The following ANO10 variants were observed in gnomAD, a reference collection of about 807,000 sequenced individuals.
ANO10 encodes the protein anoctamin-10.
A neutral mutation model predicts 74.7 loss-of-function variants in ANO10; 77 were observed. The ratio of observed to expected loss-of-function variants is 1.03; its 90% CI spans 0.86 to 1.25. The LOEUF (loss-of-function observed/expected upper bound fraction) is 1.25. ANO10 is among the 50% of genes most tolerant of loss of function. The pLI is 0.00. For missense variants in ANO10, 721 were observed against 778.1 expected (o/e 0.93, Z 0.87); for synonymous variants, 279 against 284.9 (o/e 0.98, Z 0.21).
At chr3:43,593,539 C>T (rs1001243729) in intron 4 of ANO10, among the ~76,000 whole-genome samples, 12 of 152,190 alleles carry the variant, frequency 7.9e-5, no homozygotes, top group Non-Finnish European at 1.5e-4. Context: ...AAATAAAATA[C>T]TTTACAGACG....
At chr3:43,431,271 C>T (rs1204270923) in intron 12 of ANO10, among the ~76,000 whole-genome samples, 1 of 151,828 alleles carries the variant, frequency 6.6e-6, no homozygotes, top group Non-Finnish European at 1.5e-5. Context: ...CGGGATTTCA[C>T]CACGTTGCCC....
At chr3:43,504,826 G>A (rs966072059) in intron 11 of ANO10, among the ~76,000 whole-genome samples, 1 of 152,004 alleles carries the variant, frequency 6.6e-6, no homozygotes, top group Non-Finnish European at 1.5e-5. Flanking sequence ...ATTTTTAGTA[G>A]AGACAGGGTT....
intron 11 of ANO10, among the ~76,000 whole-genome samples, chr3:43,515,763 C>G (rs114259313): frequency 1.3e-5 from 2 of 152,138 alleles, no homozygotes; most frequent in Admixed American, 6.5e-5. Context: ...ATCGAGATAA[C>G]TTCTTTGCTT....
intron 12 of ANO10, among the ~76,000 whole-genome samples, chr3:43,412,178 G>A (rs1467014212): frequency 6.6e-6 from 1 of 151,882 alleles, no homozygotes; most frequent in African/African-American, 2.4e-5. Flanking sequence ...AAAACAGCCA[G>A]GTCTTCAACC....
At chr3:43,446,975 TTAA>T (rs1289692046) in intron 11 of ANO10, among the ~76,000 whole-genome samples, 1 of 152,156 alleles carries the variant, frequency 6.6e-6, no homozygotes, top group East Asian at 1.9e-4. Flanking sequence ...TCAGAATATA[TTAA>T]TATTTTCTCC....
At chr3:43,417,604 T>G (rs567369982) in intron 12 of ANO10, among the ~76,000 whole-genome samples, 2 of 152,188 alleles carry the variant, frequency 1.3e-5, no homozygotes, top group Non-Finnish European at 2.9e-5. Flanking sequence ...GTTCGTGTCC[T>G]AAATTTTCTT....
chr3:43,575,320 T>C (rs2080945041), intron 6 of ANO10, among the ~76,000 whole-genome samples: 1 of 152,170 alleles, frequency 6.6e-6, no homozygotes, highest in South Asian at 2.1e-4. Flanking sequence ...GAAAAGGTAA[T>C]ACTGCATAGA....
chr3:43,380,306 AC>A (rs1183964973), intron 12 of ANO10, among the ~76,000 whole-genome samples: 2 of 152,212 alleles, frequency 1.3e-5, no homozygotes, highest in Admixed American at 6.5e-5. Context: ...TAGAAATCTA[AC>A]ATCCAAATAC....
At chr3:43,439,755 C>T (rs528430188) in intron 11 of ANO10, among the ~76,000 whole-genome samples, 1 of 152,140 alleles carries the variant, frequency 6.6e-6, no homozygotes, top group Admixed American at 6.5e-5. Flanking sequence ...GTGGCCCATG[C>T]CTATAGTTCA....
At chr3:43,460,621 G>A (rs1356486453) in intron 11 of ANO10, among the ~76,000 whole-genome samples, 2 of 152,096 alleles carry the variant, frequency 1.3e-5, no homozygotes, top group Non-Finnish European at 2.9e-5. Flanking sequence ...CATGCTACTG[G>A]CTAATTCTCA....
At chr3:43,512,523 C>A (rs564603819) in intron 11 of ANO10, among the ~76,000 whole-genome samples, 1 of 152,156 alleles carries the variant, frequency 6.6e-6, no homozygotes, top group African/African-American at 2.4e-5. Flanking sequence ...TGGGCCACAA[C>A]GCTAGCAGTA....
At chr3:43,438,446 TA>T (rs1177663298) in intron 11 of ANO10, among the ~76,000 whole-genome samples, 206 of 143,958 alleles carry the variant, frequency 1.4e-3, no homozygotes, top group Middle Eastern at 3.6e-3. Flanking sequence ...TTGTCTGTAT[TA>T]AAAAAAAAAA....
At chr3:43,566,585 T>A (rs980943365) in intron 7 of ANO10, among the ~76,000 whole-genome samples, 3 of 152,136 alleles carry the variant, frequency 2.0e-5, no homozygotes, top group Non-Finnish European at 4.4e-5. Flanking sequence ...CACTGACACC[T>A]CACACGGCAG....
At chr3:43,549,872 T>C (rs2079380676) in intron 10 of ANO10, 24 bp from the exon 11 acceptor site, 1 of 1,612,786 alleles carries the variant, frequency 6.2e-7, no homozygotes, top group Admixed American at 1.7e-5. Flanking sequence ...GAATGGAAAT[T>C]AAAAATTGCA....
At chr3:43,396,499 C>T (rs1047458394) in intron 12 of ANO10, among the ~76,000 whole-genome samples, 8 of 151,760 alleles carry the variant, frequency 5.3e-5, no homozygotes, top group South Asian at 2.1e-4. Context: ...CCACCACACC[C>T]GGCTAATTTT....
intron 9 of ANO10, among the ~76,000 whole-genome samples, chr3:43,560,186 A>G (rs908742685): frequency 6.6e-6 from 1 of 152,166 alleles, no homozygotes; most frequent in Non-Finnish European, 1.5e-5. Context: ...AACTACAGCT[A>G]TGTCAACAGC....
chr3:43,601,331 G>A (rs1042784101), intron 2 of ANO10, among the ~76,000 whole-genome samples: 4 of 151,976 alleles, frequency 2.6e-5, no homozygotes, highest in African/African-American at 7.3e-5. Context: ...TTTGCCTCTC[G>A]AGTAGCTGGG....
At chr3:43,582,458 G>C (rs918088763) in intron 4 of ANO10, among the ~76,000 whole-genome samples, 2 of 151,286 alleles carry the variant, frequency 1.3e-5, no homozygotes, top group Admixed American at 1.3e-4. Flanking sequence ...AAAAAAAAAA[G>C]AAACACAAAG....
At chr3:43,552,728 ATGTATG>A (rs1194290402) in intron 10 of ANO10, among the ~76,000 whole-genome samples, 271 of 100,104 alleles carry the variant, frequency 2.7e-3, no homozygotes, top group Admixed American at 4.4e-3. Flanking sequence ...ATATATATAT[ATGTATG>A]TATGTATGTA....
Sources: gnomAD v4.1 joint callset for allele counts (sites outside exome capture counted in the v4.1 genomes callset) on GRCh38, gnomAD v4.1.1 for gene constraint, MANE v1.5 for transcripts, NCBI Gene and HGNC (gene_info 2026-07-23, HGNC 2026-07-21) for gene names.